The following XKR9 variants were observed in gnomAD, a reference collection of about 807,000 sequenced individuals.
XKR9 encodes XK related 9.
Under a neutral mutation model 32.0 loss-of-function variants are expected in XKR9, and 32 were observed. The observed-to-expected ratio is 1.00, with a 90% CI of 0.76 to 1.34. The LOEUF is 1.34. XKR9 is among the 40% of genes most tolerant of loss of function. The pLI, the probability that XKR9 is intolerant of heterozygous loss-of-function variation, is 0.00. For missense variants in XKR9, 546 were observed against 429.7 expected, an observed-to-expected ratio of 1.27 and a Z score of -2.39; for synonymous variants, 168 against 143.4, an observed-to-expected ratio of 1.17 and a Z score of -1.22.
At chr8:70,811,431 C>A in the XKR9 span, among the ~76,000 whole-genome samples, 397 of 152,032 alleles carry the variant, frequency 2.6e-3, 3 homozygotes, top group East Asian at 0.018. Context: ...GGCAAGAAAT[C>A]ACTAAAATCA....
At chr8:70,877,603 G>A in the XKR9 span, among the ~76,000 whole-genome samples, 1 of 151,954 alleles carries the variant, frequency 6.6e-6, no homozygotes, top group Non-Finnish European at 1.5e-5. Flanking sequence ...AAGAAAACAA[G>A]GTTAAAGAAA....
At chr8:70,828,331 G>A in the XKR9 span, among the ~76,000 whole-genome samples, 1 of 152,186 alleles carries the variant, frequency 6.6e-6, no homozygotes, top group African/African-American at 2.4e-5. Context: ...TGTAAACTTA[G>A]ATTTTAGATG....
chr8:70,786,461 G>A (rs991065553), intron 2 of XKR9, among the ~76,000 whole-genome samples: 3 of 152,096 alleles, frequency 2.0e-5, no homozygotes, highest in Non-Finnish European at 4.4e-5. Flanking sequence ...ATGCTCTGAT[G>A]TTGGGTACAT....
chr8:70,707,850 T>C (rs929820343), intron 4 of XKR9, among the ~76,000 whole-genome samples: 1 of 152,070 alleles, frequency 6.6e-6, no homozygotes, highest in Non-Finnish European at 1.5e-5. Flanking sequence ...ATTTCCATCT[T>C]CCTTTTTGAA....
At chr8:71,007,046 A>G in the XKR9 span, among the ~76,000 whole-genome samples, 1 of 152,214 alleles carries the variant, frequency 6.6e-6, no homozygotes, top group South Asian at 2.1e-4. Flanking sequence ...TTACTCTGAG[A>G]GTCCTCCCTG....
chr8:70,941,752 T>C, the XKR9 span, among the ~76,000 whole-genome samples: 1 of 152,192 alleles, frequency 6.6e-6, no homozygotes, highest in South Asian at 2.1e-4. Flanking sequence ...TGCTTAATGT[T>C]TTCCATCTTT....
the XKR9 span, among the ~76,000 whole-genome samples, chr8:71,040,480 T>C: frequency 2.0e-5 from 3 of 152,218 alleles, no homozygotes; most frequent in African/African-American, 7.2e-5. Flanking sequence ...TAAGTATTTT[T>C]TGAGTACAGC....
At chr8:70,720,574 T>G (rs967535019) in intron 4 of XKR9, among the ~76,000 whole-genome samples, 36 of 152,226 alleles carry the variant, frequency 2.4e-4, no homozygotes, top group African/African-American at 8.4e-4. Flanking sequence ...TTTTTGTCAT[T>G]GGTTCTGTTT....
intron 2 of XKR9, among the ~76,000 whole-genome samples, chr8:70,759,537 C>T (rs149836427): frequency 6.1e-4 from 93 of 152,128 alleles, no homozygotes; most frequent in African/African-American, 2.2e-3. Flanking sequence ...AAATAGAAAA[C>T]AAATGTTTTT....
chr8:70,875,771 A>G, the XKR9 span, among the ~76,000 whole-genome samples: 1 of 152,218 alleles, frequency 6.6e-6, no homozygotes, highest in Admixed American at 6.5e-5. Context: ...ATTTATTTCT[A>G]TAACAGTTTT....
chr8:71,005,928 A>G, the XKR9 span, among the ~76,000 whole-genome samples: 1 of 152,232 alleles, frequency 6.6e-6, no homozygotes, highest in Non-Finnish European at 1.5e-5. Context: ...ACTCTCCACA[A>G]GAGGAATGTT....
chr8:70,900,876 T>G, the XKR9 span, among the ~76,000 whole-genome samples: 2 of 152,190 alleles, frequency 1.3e-5, no homozygotes, highest in Admixed American at 6.5e-5. Flanking sequence ...TTCTCATTGT[T>G]CAATTCCCAC....
intron 3 of XKR9, among the ~76,000 whole-genome samples, chr8:70,704,883 A>G (rs568514165): frequency 6.6e-6 from 1 of 152,226 alleles, no homozygotes; most frequent in Non-Finnish European, 1.5e-5. Context: ...CTTACAGCTC[A>G]ACATTTGCCT....
At chr8:70,999,721 C>A in the XKR9 span, among the ~76,000 whole-genome samples, 1 of 152,116 alleles carries the variant, frequency 6.6e-6, no homozygotes, top group Non-Finnish European at 1.5e-5. Flanking sequence ...AAATTCAGAC[C>A]ATTGAAACTG....
At chr8:70,894,746 T>A in the XKR9 span, among the ~76,000 whole-genome samples, 1 of 152,118 alleles carries the variant, frequency 6.6e-6, no homozygotes, top group African/African-American at 2.4e-5. Context: ...AAGGTGGTTT[T>A]TTTTAGCAGG....
chr8:71,016,802 A>C, the XKR9 span, among the ~76,000 whole-genome samples: 1 of 151,726 alleles, frequency 6.6e-6, no homozygotes, highest in South Asian at 2.1e-4. Context: ...GTTGAAGTAC[A>C]TATCTATTAA....
chr8:70,873,396 C>T, the XKR9 span, among the ~76,000 whole-genome samples: 509 of 152,256 alleles, frequency 3.3e-3, 5 homozygotes, highest in African/African-American at 0.012. Flanking sequence ...TGGAAAACTT[C>T]TAAAAAAGAG....
intron 2 of XKR9, among the ~76,000 whole-genome samples, chr8:70,756,771 A>G (rs536709296): frequency 6.6e-5 from 10 of 152,338 alleles, no homozygotes; most frequent in Non-Finnish European, 1.5e-4. Flanking sequence ...AGATTTCTAC[A>G]TATAAGATCA....
chr8:70,941,915 A>G, the XKR9 span, among the ~76,000 whole-genome samples: 1 of 152,106 alleles, frequency 6.6e-6, no homozygotes, highest in Non-Finnish European at 1.5e-5. Context: ...ATTCACTTTC[A>G]ACCTGAAGAA....
Sources: gnomAD v4.1 joint callset for allele counts (sites outside exome capture counted in the v4.1 genomes callset) on GRCh38, gnomAD v4.1.1 for gene constraint, MANE v1.5 for transcripts, NCBI Gene and HGNC (gene_info 2026-07-23, HGNC 2026-07-21) for gene names.